RB1: variants seen among roughly 807,000 people sequenced by gnomAD.
RB1 encodes retinoblastoma-associated protein.
Under a neutral mutation model 135.4 loss-of-function variants are expected in RB1, and 18 were observed. The ratio of observed to expected loss-of-function variants is 0.13; its 90% CI spans 0.09 to 0.20. RB1 has a LOEUF of 0.20. Among genes scored for constraint, RB1 ranks in the 10% least tolerant of loss-of-function variants. RB1 has a pLI of 1.00. For missense variants in RB1, 868 were observed against 1,110.0 expected, an observed-to-expected ratio of 0.78 and a Z score of 3.10; for synonymous variants, 365 against 373.2, an observed-to-expected ratio of 0.98 and a Z score of 0.25.
intron 2 of RB1, chr13:48,328,673 C>T (rs1285135783): frequency 1.0e-5 from 5 of 488,598 alleles, no homozygotes; most frequent in Non-Finnish European, 1.5e-5. Context: ...TAACTTTCTC[C>T]ACCCCCAGCT....
chr13:48,399,253 A>T (rs1948671948), intron 17 of RB1, among the ~76,000 whole-genome samples: 1 of 152,022 alleles, frequency 6.6e-6, no homozygotes, highest in Non-Finnish European at 1.5e-5. Context: ...TGTTTTTAGT[A>T]AAAGATTCCA....
intron 24 of RB1, among the ~76,000 whole-genome samples, chr13:48,474,979 T>C (rs1042353144): frequency 9.2e-5 from 14 of 152,112 alleles, no homozygotes; most frequent in African/African-American, 3.1e-4. Context: ...GCCCAAGCAG[T>C]CCTCTCACCT....
chr13:48,339,671 C>T (rs1952424852), intron 2 of RB1, among the ~76,000 whole-genome samples: 2 of 152,194 alleles, frequency 1.3e-5, no homozygotes, highest in Admixed American at 1.3e-4. Context: ...GTTGGCTGCA[C>T]TCACTTTCCT....
intron 18 of RB1, among the ~76,000 whole-genome samples, chr13:48,455,385 G>A (rs759326406): frequency 9.2e-5 from 14 of 152,286 alleles, no homozygotes; most frequent in East Asian, 3.9e-4. Context: ...GCCAGTTTAC[G>A]ATACTGTCAG....
intron 24 of RB1, among the ~76,000 whole-genome samples, chr13:48,475,187 T>G (rs1949496542): frequency 6.6e-6 from 1 of 152,174 alleles, no homozygotes; most frequent in South Asian, 2.1e-4. Context: ...CTTATATTCT[T>G]ATAGGAATGG....
intron 17 of RB1, among the ~76,000 whole-genome samples, chr13:48,394,821 T>A (rs1269932332): frequency 6.6e-6 from 1 of 152,188 alleles, no homozygotes; most frequent in East Asian, 1.9e-4. Flanking sequence ...GGACACATCT[T>A]CAGCAGACTT....
chr13:48,453,814 T>C (rs868225268), intron 18 of RB1, among the ~76,000 whole-genome samples: 1 of 152,226 alleles, frequency 6.6e-6, no homozygotes, highest in African/African-American at 2.4e-5. Context: ...GTCAATTATC[T>C]ATCCATCTCA....
chr13:48,363,559 A>G (rs1249836468), intron 8 of RB1, among the ~76,000 whole-genome samples: 1 of 152,162 alleles, frequency 6.6e-6, no homozygotes, highest in South Asian at 2.1e-4. Context: ...TATGTCTCCA[A>G]AAACGAACAA....
chr13:48,413,981 T>C (rs1351173756), intron 17 of RB1, among the ~76,000 whole-genome samples: 1 of 152,210 alleles, frequency 6.6e-6, no homozygotes, highest in African/African-American at 2.4e-5. Flanking sequence ...TAACTATATA[T>C]TGAAATATAT....
In RB1 at chr13:48,345,047, C is replaced by T. The variant is rs777644802; in HGVS notation, c.381-33C>T. The T allele has an allele frequency of 1.9e-5, 30 of 1,595,500 alleles. No homozygotes were observed. In the African/African-American group the frequency reaches 3.8e-4, roughly 20 times the overall value. On this transcript the variant is annotated intron_variant, in intron 3 of 26. Coordinates refer to ENST00000267163, the MANE Select transcript of RB1 (RefSeq NM_000321.3). Reference sequence around the variant, plus strand: ...GAAATAACACAAATTTTTAAGGTTACTGATTTACTTTTTTCTATTCTTTCC... The same window carrying T: ...GAAATAACACAAATTTTTAAGGTTATTGATTTACTTTTTTCTATTCTTTCC...
At chr13:48,400,662 T>C (rs1948684030) in intron 17 of RB1, among the ~76,000 whole-genome samples, 1 of 152,144 alleles carries the variant, frequency 6.6e-6, no homozygotes, top group Non-Finnish European at 1.5e-5. Context: ...AGAGATGTCA[T>C]GTAACTTGCT....
Position 48,342,445 on chromosome 13 carries a change from T to C in RB1, c.265-154T>C, listed in dbSNP as rs554025445. ...GTGTGAAATGAAATCCTTTCAAATA[T>C]ATGCCATCAGAAGGATGTGTTACAA... On this transcript the variant is annotated intron_variant, in intron 2 of 26. Transcript: ENST00000267163. Among the ~76,000 whole-genome samples the C allele has an allele frequency of 3.3e-5, 5 of 152,168 alleles. No homozygotes were observed. In the South Asian group the frequency reaches 1.0e-3, roughly 31 times the overall value.
At position 48,373,383 on chromosome 13, in the gene RB1, TTCC is replaced by T. The variant is rs1952782951; in HGVS notation, c.1128-20_1128-18del. ...TTCTCCCTTCATTGCTTAACACATT[TTCC>T]TATTTTTATCCCCTCTAGGACTGTT... On this transcript the variant is annotated intron_variant, in intron 11 of 26. Coordinates refer to ENST00000267163, the MANE Select transcript of RB1 (RefSeq NM_000321.3). 7.1e-7 allele frequency: 1 copy of T among 1,416,510 alleles called. No homozygotes were observed. Among genetic ancestry groups the T allele is most frequent in the Non-Finnish European group, 1.0e-6 (1 of 1,002,174 alleles). The allele number at this position is 1,416,510 out of a possible 1,614,324, so 87.7% of individuals were successfully genotyped here. A position where few individuals can be genotyped will look rare whatever the true frequency, so the allele number is the denominator to read the frequency against.
chr13:48,318,027 CG>C, intron 2 of RB1: 1 of 512,778 alleles, frequency 2.0e-6, no homozygotes. Context: ...GACAGGGAGC[CG>C]GGGCTGGGAG....
chr13:48,318,440 G>A, intron 2 of RB1: 2 of 1,454,526 alleles, frequency 1.4e-6, no homozygotes, highest in Non-Finnish European at 1.9e-6. Context: ...AGCTGCTCTT[G>A]TCTTCGGAGC....
intron 17 of RB1, among the ~76,000 whole-genome samples, chr13:48,400,260 T>G (rs1296510791): frequency 1.3e-5 from 2 of 152,120 alleles, no homozygotes; most frequent in African/African-American, 4.8e-5. Flanking sequence ...CTGTTAAAAG[T>G]GCTTCAGTGT....
chr13:48,421,510 G>A (rs1470590897), intron 17 of RB1, among the ~76,000 whole-genome samples: 1 of 152,110 alleles, frequency 6.6e-6, no homozygotes, highest in Non-Finnish European at 1.5e-5. Flanking sequence ...AGCCAAAATT[G>A]ACAAATGGGA....
chr13:48,412,851 C>A (rs1948840777), intron 17 of RB1: 1 of 198,118 alleles, frequency 5.0e-6, no homozygotes, highest in Admixed American at 5.6e-5. Context: ...CTTTATGCCT[C>A]AGAATGTTAA....
intron 2 of RB1, chr13:48,318,402 GT>G: frequency 6.7e-7 from 1 of 1,499,868 alleles, no homozygotes; most frequent in Non-Finnish European, 9.1e-7. Flanking sequence ...CTTGATGGCC[GT>G]GTCCAGGTCC....
Sources: gnomAD v4.1 joint callset for allele counts (sites outside exome capture counted in the v4.1 genomes callset) on GRCh38, gnomAD v4.1.1 for gene constraint, MANE v1.5 for transcripts, NCBI Gene and HGNC (gene_info 2026-07-23, HGNC 2026-07-21) for gene names.